Variants in PHIP observed in about 807,000 individuals in gnomAD.
PHIP encodes the protein PH-interacting protein.
A neutral mutation model predicts 236.8 loss-of-function variants in PHIP; 54 were observed. The observed-to-expected ratio is 0.23, with a 90% CI of 0.18 to 0.29. The LOEUF is 0.29. PHIP is among the 10% of genes least tolerant of loss of function. The probability of loss-of-function intolerance (pLI) is 1.00; values close to 1 mark genes in which losing one functional copy is unlikely to be tolerated. For synonymous variants in PHIP, 756 were observed against 718.9 expected (o/e 1.05, Z -0.83); for missense variants, 1,370 against 2,190.8 (o/e 0.63, Z 7.48).
In PHIP at chr6:78,937,922, C is replaced by T. The variant is rs1773335216; in HGVS notation, c.*2771G>A. The T allele has an allele frequency of 6.6e-6, 1 of 151,556 alleles. No individual in the cohort carries two copies. The highest frequency in any genetic ancestry group is 1.5e-5 in the Non-Finnish European group (1 of 67,594). 9.4% of individuals were successfully genotyped at this position (151,556 alleles called of 1,614,324 possible). On this transcript the variant is annotated 3_prime_UTR_variant, in exon 40 of 40. Transcript: ENST00000275034. ...CCTAAATTGGTTTACACTTTCCATG[C>T]ATGTAAGAGTTATATTTCTGAACTT... is the stretch of plus-strand genomic sequence containing the variant.
chr6:79,050,981 C>T (rs1772763477), intron 6 of PHIP, among the ~76,000 whole-genome samples: 1 of 152,082 alleles, frequency 6.6e-6, no homozygotes, highest in African/African-American at 2.4e-5. Context: ...ATCTTTCCCA[C>T]TGAATTTTTA....
intron 12 of PHIP, 123 bp downstream of exon 12, chr6:79,017,223 T>C (rs1770877394): frequency 1.7e-6 from 1 of 589,032 alleles, no homozygotes; most frequent in Admixed American, 3.4e-5. Flanking sequence ...CTTTTAAGTA[T>C]AACTGGTCAA....
intron 22 of PHIP, among the ~76,000 whole-genome samples, chr6:78,984,270 T>C (rs1047457458): frequency 7.9e-5 from 12 of 152,226 alleles, no homozygotes; most frequent in African/African-American, 2.7e-4. Flanking sequence ...ACTATGAAAT[T>C]TAAAATGATT....
Position 79,017,577 on chromosome 6 carries a change from A to G in PHIP, c.1001T>C (p.Met334Thr). Residue 334 changes from methionine (M) to threonine (T), a missense_variant, in exon 11 of 40, where the codon ATG (methionine) becomes ACG (threonine). Coordinates refer to ENST00000275034, the MANE Select transcript of PHIP (RefSeq NM_017934.7). Reference sequence around the variant, plus strand: ...ATCTGTGCTTCCCGTCGCCAGAAACATTCCACCTATGAAGAATAACAGCAA... The same window carrying G: ...ATCTGTGCTTCCCGTCGCCAGAAACGTTCCACCTATGAAGAATAACAGCAA... ...MICSSFSAGG[M>T]FLATGSTDHI... 6.2e-7 allele frequency: 1 copy of G among 1,608,914 alleles called. No individual in the cohort carries two copies. The highest frequency in any genetic ancestry group is 8.5e-7 in the Non-Finnish European group (1 of 1,175,796).
intron 3 of PHIP, 59 bp from the exon 4 acceptor site, chr6:79,077,566 C>G (rs1774238020): frequency 4.0e-6 from 4 of 998,216 alleles, no homozygotes; most frequent in Non-Finnish European, 1.2e-6. Flanking sequence ...CCGCTCCCCT[C>G]CCCCGCCCGC....
Position 78,940,008 on chromosome 6 carries a change from T to C in PHIP, c.*685A>G, listed in dbSNP as rs890603742. On this transcript the variant is annotated 3_prime_UTR_variant, in exon 40 of 40. Transcript: ENST00000275034. ...AGATTGAGTGATATAAGAATCAAGG[T>C]CTGAAAAATTAGACAGTCAAATGTT... 1.3e-5 allele frequency: 2 copies of C among 152,458 alleles called. No homozygotes were observed. The highest frequency in any genetic ancestry group is 4.8e-5 in the African/African-American group (2 of 41,440). 9.4% of individuals were successfully genotyped at this position (152,458 alleles called of 1,614,324 possible). A position where few individuals can be genotyped will look rare whatever the true frequency, so the allele number is the denominator to read the frequency against.
chr6:79,068,473 C>T (rs1010556901), intron 4 of PHIP, among the ~76,000 whole-genome samples: 5 of 151,978 alleles, frequency 3.3e-5, no homozygotes, highest in African/African-American at 7.3e-5. Context: ...AAAAACAAAG[C>T]GAAATAAACA....
chr6:78,967,998 C>A (rs1277290541), intron 27 of PHIP, among the ~76,000 whole-genome samples: 1 of 151,952 alleles, frequency 6.6e-6, no homozygotes, highest in East Asian at 1.9e-4. Flanking sequence ...ATTAGCCAGG[C>A]GTGGTGGCAG....
intron 29 of PHIP, among the ~76,000 whole-genome samples, chr6:78,964,944 G>T (rs1317815670): frequency 1.3e-5 from 2 of 152,058 alleles, no homozygotes; most frequent in Non-Finnish European, 1.5e-5. Context: ...CATGTGTGTT[G>T]TATTTTTTAC....
chr6:79,064,035 T>C (rs1773507924), intron 4 of PHIP, among the ~76,000 whole-genome samples: 1 of 152,198 alleles, frequency 6.6e-6, no homozygotes, highest in Non-Finnish European at 1.5e-5. Flanking sequence ...GAACCTTTTT[T>C]AAAGCTGAAG....
chr6:78,942,745 C>T (rs1240074950), intron 39 of PHIP, among the ~76,000 whole-genome samples: 2 of 152,108 alleles, frequency 1.3e-5, no homozygotes, highest in South Asian at 2.1e-4. Context: ...TCTAAATATC[C>T]AGTACATGTA....
rs199799427 is a variant in PHIP at position 78,963,288 on chromosome 6, T to C, written c.3380-36A>G. 5.1e-4 allele frequency: 788 copies of C among 1,544,122 alleles called. 1 individual carries two copies. The highest frequency in any genetic ancestry group is 6.6e-4 in the Non-Finnish European group (746 of 1,137,014). On this transcript the variant is annotated intron_variant, in intron 29 of 39. Coordinates refer to ENST00000275034, the MANE Select transcript of PHIP (RefSeq NM_017934.7). Reference sequence around the variant, plus strand: ...AAAGCAGATCATTGCAAATACATGGTAACTTATTAGTATTCAGGTTAGCTT... The same window carrying C: ...AAAGCAGATCATTGCAAATACATGGCAACTTATTAGTATTCAGGTTAGCTT...
intron 9 of PHIP, among the ~76,000 whole-genome samples, chr6:79,021,947 T>C (rs1026006825): frequency 6.6e-6 from 1 of 152,168 alleles, no homozygotes; most frequent in South Asian, 2.1e-4. Context: ...GTGATTATTA[T>C]GCATTGCATG....
rs150013720 is a variant in PHIP, at chr6:79,073,978, C to G, written c.189+3470G>C. Among the ~76,000 whole-genome samples the G allele has an allele frequency of 5.7e-4, 87 of 152,182 alleles. 2 individuals are homozygous for G. The highest frequency in any genetic ancestry group is 2.0e-3 in the African/African-American group (85 of 41,552). ...TTTCTAGTTCAAAATCACAGATTTT[C>G]AGATTGAAAAAATTTCAATCCACTT... On this transcript the variant is annotated intron_variant, in intron 4 of 39. Transcript: ENST00000275034.
At chr6:79,063,259 T>A (rs1019059707) in intron 4 of PHIP, among the ~76,000 whole-genome samples, 1 of 152,168 alleles carries the variant, frequency 6.6e-6, no homozygotes, top group African/African-American at 2.4e-5. Context: ...TTAATAAAGT[T>A]CTAGTTGGAT....
intron 19 of PHIP, among the ~76,000 whole-genome samples, chr6:78,993,496 C>G (rs1482598827): frequency 6.6e-6 from 1 of 152,196 alleles, no homozygotes; most frequent in South Asian, 2.1e-4. Flanking sequence ...GGGGCTAATA[C>G]AGCTAGTGAC....
intron 27 of PHIP, among the ~76,000 whole-genome samples, chr6:78,968,505 T>A (rs150839424): frequency 6.6e-6 from 1 of 152,318 alleles, no homozygotes; most frequent in East Asian, 1.9e-4. Context: ...TTCCGTAGGA[T>A]CAATTCTGGA....
chr6:79,003,493 G>C (rs1401969816), intron 16 of PHIP, among the ~76,000 whole-genome samples: 1 of 151,964 alleles, frequency 6.6e-6, no homozygotes, highest in Non-Finnish European at 1.5e-5. Flanking sequence ...AGGAGGCTAA[G>C]AGTTATTTTT....
chr6:78,976,644 T>C (rs1178888406), intron 24 of PHIP, among the ~76,000 whole-genome samples: 3 of 146,016 alleles, frequency 2.1e-5, no homozygotes, highest in South Asian at 4.5e-4. Context: ...AGGGCTAATA[T>C]CCAGAATCTA....
Sources: allele counts gnomAD v4.1 joint callset (sites outside exome capture counted in the v4.1 genomes callset), GRCh38; gene constraint gnomAD v4.1.1; transcripts MANE v1.5; gene names NCBI Gene and HGNC (gene_info 2026-07-23, HGNC 2026-07-21).